OSBP: variants seen among roughly 807,000 people sequenced by gnomAD.
OSBP encodes the protein oxysterol-binding protein 1.
In OSBP, 32 loss-of-function variants were observed where a neutral mutation model predicts 96.6. The observed-to-expected ratio is 0.33, with a 90% CI of 0.25 to 0.45. The LOEUF is 0.45. Ranked by LOEUF, OSBP falls within the 20% of genes least tolerant of loss-of-function variation. The probability of loss-of-function intolerance (pLI) is 1.00; values close to 1 mark genes in which losing one functional copy is unlikely to be tolerated. For missense variants in OSBP, 653 were observed against 1,029.7 expected (o/e 0.63, Z 5.01); for synonymous variants, 369 against 389.6 (o/e 0.95, Z 0.62).
chr11:59,615,673 G>A lies in OSBP; in HGVS notation c.-9C>T, dbSNP rs1362999988. 9 of 1,315,418 alleles carry A rather than the reference G, an allele frequency of 6.8e-6. No homozygotes were observed. Among genetic ancestry groups the A allele is most frequent in the Non-Finnish European group, 8.7e-6 (9 of 1,033,084 alleles). 81.5% of individuals were successfully genotyped at this position (1,315,418 alleles called of 1,614,324 possible). On this transcript the variant is annotated 5_prime_UTR_variant, in exon 1 of 14. Transcript: ENST00000263847. The stretch of plus-strand genomic sequence containing the variant: ...AGCTCCGTCGCCGCCATGAGCCGCC[G>A]CCGCCTGGAGATACAAGACCGGAAC...
chr11:59,608,140 T>C (rs771056766), intron 3 of OSBP, among the ~76,000 whole-genome samples: 1 of 152,034 alleles, frequency 6.6e-6, no homozygotes, highest in Non-Finnish European at 1.5e-5. Context: ...CATACATACA[T>C]ACATACATAC....
At chr11:59,615,246 G>A (rs1241551930) in intron 1 of OSBP, 57 bp downstream of exon 1, 4 of 1,427,932 alleles carry the variant, frequency 2.8e-6, no homozygotes, top group Admixed American at 3.5e-5. Flanking sequence ...CCGGAGCTGG[G>A]ACTGTTGGCA....
Position 59,580,172 on chromosome 11 carries a change from A to T in OSBP, c.1878+2T>A. 6.3e-7 allele frequency: 1 copy of T among 1,586,422 alleles called. No homozygotes were observed. On this transcript the variant is annotated splice_donor_variant, in intron 11 of 13. Coordinates refer to ENST00000263847, the MANE Select transcript of OSBP (RefSeq NM_002556.3). LOFTEE classifies it high-confidence loss of function. The stretch of plus-strand genomic sequence containing the variant: ...AACAATTTAAATTTCAACTTCCCTT[A>T]CCTTTCTTGCTACATCCCGAGAGAA...
intron 1 of OSBP, 149 bp downstream of exon 1, chr11:59,615,154 C>T: frequency 1.7e-6 from 1 of 597,006 alleles, no homozygotes; most frequent in Non-Finnish European, 2.9e-6. Context: ...ACAGTGGGCT[C>T]CGACCCCTGG....
At chr11:59,607,424 T>C (rs995040240) in intron 3 of OSBP, among the ~76,000 whole-genome samples, 1 of 152,168 alleles carries the variant, frequency 6.6e-6, no homozygotes, top group African/African-American at 2.4e-5. Context: ...GCACTGAAGA[T>C]AGTGTTAAAC....
At chr11:59,604,782 G>A (rs1860760446) in intron 3 of OSBP, among the ~76,000 whole-genome samples, 1 of 151,668 alleles carries the variant, frequency 6.6e-6, no homozygotes, top group Non-Finnish European at 1.5e-5. Context: ...TTGAGCCTGG[G>A]TGCTCAAGGC....
At position 59,578,156 on chromosome 11, in the gene OSBP, G is replaced by T. The variant is rs758915891; in HGVS notation, c.2053C>A (p.Pro685Thr). 1 of 1,614,116 alleles carries T rather than the reference G, an allele frequency of 6.2e-7. No homozygotes were observed. The highest frequency in any genetic ancestry group is 8.5e-7 in the Non-Finnish European group (1 of 1,180,002). The change falls in exon 12 of 14, where the codon CCT (proline) becomes ACT (threonine). Residue 685 changes from proline (P) to threonine (T), a missense_variant. By Grantham distance (38) the Pro-to-Thr change is conservative (BLOSUM62 -1). Transcript: ENST00000263847. Reference sequence around the variant, plus strand: ...ATGCATGCTGATACTCACGGTAAAGGATTCCTTTTCCACAGCATGACCCTG... The same window carrying T: ...ATGCATGCTGATACTCACGGTAAAGTATTCCTTTTCCACAGCATGACCCTG... The part of the protein sequence containing the change: ...ESRVMLWKRN[P>T]LPKNAENMYY...
At chr11:59,603,543 T>G (rs917021281) in intron 3 of OSBP, among the ~76,000 whole-genome samples, 1 of 148,888 alleles carries the variant, frequency 6.7e-6, no homozygotes, top group Non-Finnish European at 1.5e-5. Flanking sequence ...TTTTTTTTTT[T>G]TTTTTTTTTT....
chr11:59,615,759 G>A lies in OSBP; in HGVS notation c.-95C>T, dbSNP rs927182076. 3.3e-6 allele frequency: 4 copies of A among 1,216,170 alleles called. No individual in the cohort carries two copies. Among genetic ancestry groups the A allele is most frequent in the Admixed American group, 4.4e-5 (1 of 22,630 alleles). The allele number at this position is 1,216,170 out of a possible 1,614,324, so 75.3% of individuals were successfully genotyped here. On this transcript the variant is annotated 5_prime_UTR_variant, in exon 1 of 14. Coordinates refer to ENST00000263847, the MANE Select transcript of OSBP (RefSeq NM_002556.3). The stretch of plus-strand genomic sequence containing the variant: ...CCACACGGCTACCGCATCAGCCACC[G>A]CCGCGCAGCGTCCCCGCCCCGCCCG...
intron 10 of OSBP, among the ~76,000 whole-genome samples, chr11:59,581,054 T>G (rs1330734537): frequency 1.3e-5 from 2 of 152,240 alleles, no homozygotes; most frequent in African/African-American, 4.8e-5. Flanking sequence ...ATTGGTCATG[T>G]ATCTCCAATG....
intron 9 of OSBP, among the ~76,000 whole-genome samples, chr11:59,586,572 G>C (rs1019145833): frequency 6.6e-6 from 1 of 152,100 alleles, no homozygotes; most frequent in Non-Finnish European, 1.5e-5. Context: ...AATTCATATG[G>C]AATCTCAAGG....
chr11:59,575,444 G>A lies in OSBP; in HGVS notation c.*1133C>T, dbSNP rs1860350978. The A allele has an allele frequency of 6.6e-6, 1 of 152,450 alleles. No homozygotes were observed. The highest frequency in any genetic ancestry group is 2.1e-4 in the South Asian group (1 of 4,816). The allele number at this position is 152,450 out of a possible 1,614,324, so 9.4% of individuals were successfully genotyped here. A position where few individuals can be genotyped will look rare whatever the true frequency, so the allele number is the denominator to read the frequency against. ...CACATCAACACGTGTCCAAGAAAGA[G>A]TCTCAGGGAGACAAGGGTATCAAAA... On this transcript the variant is annotated 3_prime_UTR_variant, in exon 14 of 14. Coordinates refer to ENST00000263847, the MANE Select transcript of OSBP (RefSeq NM_002556.3).
At chr11:59,611,241 T>C (rs1327339283) in intron 1 of OSBP, among the ~76,000 whole-genome samples, 8 of 151,956 alleles carry the variant, frequency 5.3e-5, no homozygotes. Context: ...TACAACTGAA[T>C]GAGTTTTGAC....
intron 7 of OSBP, among the ~76,000 whole-genome samples, chr11:59,596,321 T>C (rs1860656502): frequency 6.6e-6 from 1 of 152,168 alleles, no homozygotes; most frequent in African/African-American, 2.4e-5. Context: ...TTTCCATACA[T>C]TTTGAGGAAA....
rs1590665163 is a variant in OSBP at position 59,576,497 on chromosome 11, G to A, written c.*80C>T. On this transcript the variant is annotated 3_prime_UTR_variant, in exon 14 of 14. Coordinates refer to ENST00000263847, the MANE Select transcript of OSBP (RefSeq NM_002556.3). ...CAAACTTGAGGAAAGCACTTGGTAAGAGAGTCACAACTTCCAGCTTTCCCA... is the reference window on the plus strand; with the variant it reads ...CAAACTTGAGGAAAGCACTTGGTAAAAGAGTCACAACTTCCAGCTTTCCCA... 5 of 1,463,080 alleles carry A rather than the reference G, an allele frequency of 3.4e-6. No homozygotes were observed. The highest frequency in any genetic ancestry group is 4.6e-6 in the Non-Finnish European group (5 of 1,077,126). 90.6% of individuals were successfully genotyped at this position (1,463,080 alleles called of 1,614,324 possible). A position where few individuals can be genotyped will look rare whatever the true frequency, so the allele number is the denominator to read the frequency against.
At chr11:59,589,280 A>C (rs1010871053) in intron 9 of OSBP, among the ~76,000 whole-genome samples, 1 of 149,244 alleles carries the variant, frequency 6.7e-6, no homozygotes. Context: ...GAGCCACTGC[A>C]TCTGTGCCAA....
In OSBP at chr11:59,600,512, G is replaced by C; in HGVS notation, c.1295C>G (p.Ser432Cys). The change falls in exon 7 of 14, where the codon TCT becomes TGT. Residue 432 changes from serine (S) to cysteine (C), a missense_variant. Ser to Cys is a moderately radical substitution (Grantham distance 112). Coordinates refer to ENST00000263847, the MANE Select transcript of OSBP (RefSeq NM_002556.3). Reference protein sequence around the residue: ...IMKNCIGKELSKIPMPVNFNE... With the variant: ...IMKNCIGKELCKIPMPVNFNE... ...GAACCTTACCGGCATGGGGATCTTAGAGAGTTCTTTTCCAATGCAGTTCTT... is the reference window on the plus strand; with the variant it reads ...GAACCTTACCGGCATGGGGATCTTACAGAGTTCTTTTCCAATGCAGTTCTT... The C allele has an allele frequency of 6.2e-7, 1 of 1,614,000 alleles. No homozygotes were observed. Among genetic ancestry groups the C allele is most frequent in the Non-Finnish European group, 8.5e-7 (1 of 1,179,978 alleles).
rs1437333011 is a variant in OSBP at position 59,601,781 on chromosome 11, G to A, written c.880C>T (p.Leu294=). 7.4e-6 allele frequency: 12 copies of A among 1,614,074 alleles called. No individual in the cohort carries two copies. The highest frequency in any genetic ancestry group is 1.3e-5 in the African/African-American group (1 of 74,934). The change falls in exon 4 of 14, where the codon CTA becomes TTA. Residue 294 remains leucine (L), a synonymous_variant. Coordinates refer to ENST00000263847, the MANE Select transcript of OSBP (RefSeq NM_002556.3). ...ATACGCTGGTCTCTTTCATACTGTA[G>A]TGACTTTTGCCATTTTTTACTATGG... ...QTHSKKWQKS[L]QYERDQRIRL... is the part of the protein sequence containing the mutation.
rs1393853907 is a variant in OSBP at position 59,575,780 on chromosome 11, C to G, written c.*797G>C. 2.0e-5 allele frequency: 3 copies of G among 152,142 alleles called. No homozygotes were observed. The highest frequency in any genetic ancestry group is 6.6e-5 in the Admixed American group (1 of 15,264). The allele number at this position is 152,142 out of a possible 1,614,324, so 9.4% of individuals were successfully genotyped here. Reference sequence around the variant, plus strand: ...TGGGAAAGCAAAAGTGGCTAGTAGTCTTTTTCCATCCTGCCTGTGTTCTCA... The same window carrying G: ...TGGGAAAGCAAAAGTGGCTAGTAGTGTTTTTCCATCCTGCCTGTGTTCTCA... On this transcript the variant is annotated 3_prime_UTR_variant, in exon 14 of 14. Transcript: ENST00000263847.
Sources: gnomAD v4.1 joint callset for allele counts (sites outside exome capture counted in the v4.1 genomes callset) on GRCh38, gnomAD v4.1.1 for gene constraint, MANE v1.5 for transcripts, NCBI Gene and HGNC (gene_info 2026-07-23, HGNC 2026-07-21) for gene names.